Variants in KIF16B observed in about 807,000 individuals in gnomAD.
KIF16B encodes kinesin family member 16B.
KIF16B carries 98 observed loss-of-function variants against 156.3 expected under a neutral mutation model. The ratio of observed to expected loss-of-function variants is 0.63; its 90% CI spans 0.53 to 0.74. The LOEUF (loss-of-function observed/expected upper bound fraction) is 0.74, where lower values mean the gene tolerates loss of function less well. KIF16B is among the 30% of genes least tolerant of loss of function. The pLI, the probability that KIF16B is intolerant of heterozygous loss-of-function variation, is 0.00. For missense variants in KIF16B, 1,421 were observed against 1,606.5 expected (o/e 0.88, Z 1.97); for synonymous variants, 564 against 583.7 (o/e 0.97, Z 0.49).
chr20:16,410,691 A>G (rs1001249789), intron 15 of KIF16B, among the ~76,000 whole-genome samples: 1 of 152,134 alleles, frequency 6.6e-6, no homozygotes, highest in Admixed American at 6.6e-5. Flanking sequence ...TAGCATCACC[A>G]TCATTCCTGA....
In KIF16B at chr20:16,373,002, G is replaced by A. The variant is rs1177613779; in HGVS notation, c.3351-1241C>T. On this transcript the variant is annotated intron_variant, in intron 20 of 25. Coordinates refer to ENST00000354981, the MANE Select transcript of KIF16B (RefSeq NM_024704.5). ...CGTCAGCCACCATGCCCGGCCGGAT[G>A]GATTATTTTAAATTAAATGGTTTCC... Among the ~76,000 whole-genome samples the A allele has an allele frequency of 2.0e-5, 3 of 151,980 alleles. No homozygotes were observed. The East Asian group carries it at 5.8e-4, about 29-fold the overall frequency.
At chr20:16,284,963 G>T (rs758030571) in intron 25 of KIF16B, among the ~76,000 whole-genome samples, 2 of 152,186 alleles carry the variant, frequency 1.3e-5, no homozygotes, top group Non-Finnish European at 2.9e-5. Context: ...TGCCCAGTAC[G>T]AAGCATCCCA....
At chr20:16,527,171 G>A (rs1481150082) in intron 2 of KIF16B, among the ~76,000 whole-genome samples, 1 of 152,202 alleles carries the variant, frequency 6.6e-6, no homozygotes, top group Non-Finnish European at 1.5e-5. Flanking sequence ...AGAGGCCAAA[G>A]GAAGGGAAAG....
intron 17 of KIF16B, among the ~76,000 whole-genome samples, chr20:16,389,020 GGAGAC>G (rs1384636005): frequency 6.6e-6 from 1 of 152,036 alleles, no homozygotes; most frequent in African/African-American, 2.4e-5. Flanking sequence ...TGCACGGAAG[GGAGAC>G]CCCCTGGCAA....
At chr20:16,323,196 A>G (rs982974884) in intron 24 of KIF16B, among the ~76,000 whole-genome samples, 2 of 151,964 alleles carry the variant, frequency 1.3e-5, no homozygotes, top group Admixed American at 6.6e-5. Context: ...ATATTTGGCT[A>G]TCTAACTTTT....
At chr20:16,547,965 T>C (rs1324474575) in intron 1 of KIF16B, among the ~76,000 whole-genome samples, 1 of 152,124 alleles carries the variant, frequency 6.6e-6, no homozygotes, top group Non-Finnish European at 1.5e-5. Flanking sequence ...AATCTGACTC[T>C]CTGGCAGAGG....
intron 1 of KIF16B, among the ~76,000 whole-genome samples, chr20:16,559,793 G>C (rs916594755): frequency 7.4e-6 from 1 of 134,958 alleles, no homozygotes; most frequent in African/African-American, 2.8e-5. Context: ...AAAAAAAAAT[G>C]CTTTACATGA....
chr20:16,290,046 T>C (rs912074603), intron 25 of KIF16B, among the ~76,000 whole-genome samples: 33 of 152,192 alleles, frequency 2.2e-4, no homozygotes, highest in African/African-American at 8.0e-4. Flanking sequence ...AAAGATGTAT[T>C]ATTTTCTTTG....
chr20:16,548,374 T>A (rs1238512852), intron 1 of KIF16B, among the ~76,000 whole-genome samples: 4 of 152,164 alleles, frequency 2.6e-5, no homozygotes, highest in Non-Finnish European at 2.9e-5. Flanking sequence ...CAGAGCTGTA[T>A]CTTGTAGAAC....
At chr20:16,383,165 T>C (rs535328311) in intron 17 of KIF16B, among the ~76,000 whole-genome samples, 6 of 152,178 alleles carry the variant, frequency 3.9e-5, no homozygotes, top group African/African-American at 1.4e-4. Context: ...GAACTGAGTA[T>C]CTCTTACATG....
intron 12 of KIF16B, among the ~76,000 whole-genome samples, chr20:16,488,022 T>C (rs1227210060): frequency 6.6e-6 from 1 of 152,212 alleles, no homozygotes; most frequent in African/African-American, 2.4e-5. Flanking sequence ...CAGCTAGGCA[T>C]CTGCATGTGA....
In KIF16B at chr20:16,404,804, T is replaced by C. The variant is rs1260981502; in HGVS notation, c.1784+9A>G. ...CATCACAGGGAAGGAGATGCTGCTG[T>C]TCACTCACCCGGGGTTATACAACAT... is the stretch of plus-strand genomic sequence containing the variant. On this transcript the variant is annotated intron_variant, in intron 17 of 25. Coordinates refer to ENST00000354981, the MANE Select transcript of KIF16B (RefSeq NM_024704.5). 1 of 1,597,446 alleles carries C rather than the reference T, an allele frequency of 6.3e-7. No homozygotes were observed. The highest frequency in any genetic ancestry group is 8.6e-7 in the Non-Finnish European group (1 of 1,165,262).
chr20:16,313,130 A>G (rs2063646104), intron 24 of KIF16B, among the ~76,000 whole-genome samples: 1 of 152,236 alleles, frequency 6.6e-6, no homozygotes, highest in Non-Finnish European at 1.5e-5. Context: ...CTATAATCTG[A>G]TGAGAATCCA....
chr20:16,428,959 C>T lies in KIF16B; in HGVS notation c.1468G>A (p.Asp490Asn). ...CACTGATAAATATGCTCACCAATAT[C>T]TTGCTCCGTGGAAGCATCGTCTCTA... The part of the protein sequence containing the change: ...VGRDDASTEQ[D>N]IVLHGLDLES... The change falls in exon 14 of 26, where the codon GAT becomes AAT. Residue 490 changes from aspartate to asparagine, a missense_variant. Asp to Asn is a conservative substitution (Grantham distance 23). Transcript: ENST00000354981. 6.2e-7 allele frequency: 1 copy of T among 1,613,350 alleles called. No individual in the cohort carries two copies. Among genetic ancestry groups the T allele is most frequent in the Non-Finnish European group, 8.5e-7 (1 of 1,179,434 alleles).
intron 1 of KIF16B, among the ~76,000 whole-genome samples, chr20:16,547,838 C>T (rs1302148825): frequency 1.3e-5 from 2 of 152,176 alleles, no homozygotes; most frequent in Non-Finnish European, 2.9e-5. Context: ...GGTGCATGTC[C>T]GGTAAACCAA....
At chr20:16,531,925 G>A (rs8119766) in intron 1 of KIF16B, among the ~76,000 whole-genome samples, 2,870 of 152,074 alleles carry the variant, frequency 0.019, 91 homozygotes, top group African/African-American at 0.065. Context: ...AAAAATAGCC[G>A]GGTGTGGTGG....
intron 15 of KIF16B, among the ~76,000 whole-genome samples, chr20:16,410,308 T>C (rs2065920410): frequency 1.4e-5 from 2 of 146,686 alleles, no homozygotes; most frequent in East Asian, 4.0e-4. Flanking sequence ...TATGTGTGTG[T>C]GTGTGTGTGT....
intron 24 of KIF16B, among the ~76,000 whole-genome samples, chr20:16,318,277 C>T (rs569080563): frequency 2.0e-5 from 3 of 152,118 alleles, no homozygotes; most frequent in African/African-American, 4.8e-5. Context: ...GAGGATACAC[C>T]GTAAGTGGGA....
chr20:16,461,080 A>G (rs1311263876), intron 12 of KIF16B, among the ~76,000 whole-genome samples: 4 of 152,052 alleles, frequency 2.6e-5, no homozygotes, highest in African/African-American at 4.8e-5. Flanking sequence ...TTTAAAATAT[A>G]AAAAAGAATA....
Sources: gnomAD v4.1 joint callset for allele counts (sites outside exome capture counted in the v4.1 genomes callset) on GRCh38, gnomAD v4.1.1 for gene constraint, MANE v1.5 for transcripts, NCBI Gene and HGNC (gene_info 2026-07-23, HGNC 2026-07-21) for gene names.